ATXN1: variants seen among roughly 807,000 people sequenced by gnomAD.
The protein encoded by ATXN1 is ataxin-1.
ATXN1 carries 8 observed loss-of-function variants against 56.4 expected under a neutral mutation model. The observed-to-expected ratio is 0.14, with a 90% CI of 0.08 to 0.26. The LOEUF is 0.26. ATXN1 is among the 10% of genes least tolerant of loss of function. The pLI, the probability that ATXN1 is intolerant of heterozygous loss-of-function variation, is 1.00. For missense variants in ATXN1, 987 were observed against 1,106.5 expected (o/e 0.89, Z 1.53); for synonymous variants, 514 against 494.6 (o/e 1.04, Z -0.52).
intron 6 of ATXN1, among the ~76,000 whole-genome samples, chr6:16,449,739 A>T (rs1040035856): frequency 5.9e-5 from 9 of 152,234 alleles, no homozygotes; most frequent in African/African-American, 2.2e-4. Flanking sequence ...AGTTTAAAGG[A>T]AAACATATCC....
chr6:16,400,059 A>G (rs183725954), intron 6 of ATXN1, among the ~76,000 whole-genome samples: 1 of 152,278 alleles, frequency 6.6e-6, no homozygotes, highest in Admixed American at 6.5e-5. Flanking sequence ...CCAGACTGAC[A>G]GAACCAGAAT....
chr6:16,518,059 A>C (rs1026209802), intron 5 of ATXN1, among the ~76,000 whole-genome samples: 83 of 152,344 alleles, frequency 5.4e-4, no homozygotes, highest in African/African-American at 1.9e-3. Flanking sequence ...CACTGAGCTA[A>C]TTCTAATAGA....
intron 6 of ATXN1, among the ~76,000 whole-genome samples, chr6:16,429,532 C>T (rs1759235208): frequency 6.6e-6 from 1 of 151,058 alleles, no homozygotes; most frequent in African/African-American, 2.4e-5. Context: ...ATTCTCATGC[C>T]TTAGCCTCCC....
At chr6:16,381,801 C>T (rs555974910) in intron 6 of ATXN1, among the ~76,000 whole-genome samples, 1 of 152,326 alleles carries the variant, frequency 6.6e-6, no homozygotes, top group South Asian at 2.1e-4. Flanking sequence ...CACTATTTCT[C>T]AGGTATCTAC....
intron 4 of ATXN1, among the ~76,000 whole-genome samples, chr6:16,565,541 T>C (rs1762201912): frequency 6.6e-6 from 1 of 152,192 alleles, no homozygotes; most frequent in Non-Finnish European, 1.5e-5. Flanking sequence ...AATGACAATT[T>C]ATTCATTTGC....
intron 1 of ATXN1, among the ~76,000 whole-genome samples, chr6:16,758,306 G>A (rs547632703): frequency 6.6e-6 from 1 of 152,340 alleles, no homozygotes; most frequent in African/African-American, 2.4e-5. Flanking sequence ...GTGACTGACT[G>A]CAAGGCCAAA....
chr6:16,583,309 C>A (rs889528563), intron 4 of ATXN1, among the ~76,000 whole-genome samples: 1 of 152,192 alleles, frequency 6.6e-6, no homozygotes, highest in Non-Finnish European at 1.5e-5. Flanking sequence ...CCGTACACGT[C>A]GTTCTGTGTT....
chr6:16,652,799 C>A (rs1171254860), intron 3 of ATXN1: 1 of 152,222 alleles, frequency 6.6e-6, no homozygotes, highest in Non-Finnish European at 1.5e-5. Flanking sequence ...CTTCAGCAAA[C>A]TGGGCTTTTT....
chr6:16,377,129 A>G (rs1762155838), intron 6 of ATXN1, among the ~76,000 whole-genome samples: 1 of 152,226 alleles, frequency 6.6e-6, no homozygotes, highest in Admixed American at 6.5e-5. Context: ...GGTGTCATCT[A>G]TGAACCAAAA....
rs138412972 is a variant in ATXN1 at position 16,692,799 on chromosome 6, C to T, written c.-614-34898G>A. On this transcript the variant is annotated intron_variant, in intron 2 of 7. Coordinates refer to ENST00000436367, the MANE Select transcript of ATXN1 (RefSeq NM_001128164.2). ...CACTTTAGAGATGTGGAAACTGAAG[C>T]TCAGGCTAAGTAATGGGCCCAAGAT... 2.8e-3 allele frequency among the ~76,000 whole-genome samples: 425 copies of T among 152,282 alleles called. 4 individuals carry two copies. Among genetic ancestry groups the T allele is most frequent in the African/African-American group, 9.6e-3 (398 of 41,544 alleles).
chr6:16,398,660 C>A (rs1240804796), intron 6 of ATXN1, among the ~76,000 whole-genome samples: 2 of 151,892 alleles, frequency 1.3e-5, no homozygotes, highest in Non-Finnish European at 2.9e-5. Context: ...AGTTATACAG[C>A]AAAAAAGAAG....
intron 2 of ATXN1, among the ~76,000 whole-genome samples, chr6:16,686,173 T>C (rs1758913277): frequency 1.3e-5 from 2 of 152,226 alleles, no homozygotes; most frequent in African/African-American, 4.8e-5. Context: ...AATAAGGTTT[T>C]TGGTAATACC....
intron 6 of ATXN1, among the ~76,000 whole-genome samples, chr6:16,331,128 GTAGCTGGGATTATAGGCGGC>G (rs1002198044): frequency 6.6e-6 from 1 of 152,126 alleles, no homozygotes. Flanking sequence ...AGCCTCCTGA[GTAGCTGGGATTATAGGCGGC>G]TGCCGCCATG....
At chr6:16,628,247 G>T (rs919622933) in intron 3 of ATXN1, among the ~76,000 whole-genome samples, 5 of 152,148 alleles carry the variant, frequency 3.3e-5, no homozygotes, top group African/African-American at 1.2e-4. Flanking sequence ...TTTTGGTTTT[G>T]ATTTTTGGTT....
intron 2 of ATXN1, among the ~76,000 whole-genome samples, chr6:16,748,461 G>T (rs949603518): frequency 6.6e-6 from 1 of 152,244 alleles, no homozygotes; most frequent in African/African-American, 2.4e-5. Flanking sequence ...ATCCAAGCAC[G>T]ATTCTATCAC....
Position 16,328,596 on chromosome 6 carries a change from G to A in ATXN1, c.-160-126C>T. 3.0e-6 allele frequency: 1 copy of A among 335,906 alleles called. No individual in the cohort carries two copies. Among genetic ancestry groups the A allele is most frequent in the East Asian group, 5.5e-5 (1 of 18,320 alleles). 20.8% of individuals were successfully genotyped at this position (335,906 alleles called of 1,614,324 possible). On this transcript the variant is annotated intron_variant, in intron 6 of 7. Coordinates refer to ENST00000436367, the MANE Select transcript of ATXN1 (RefSeq NM_001128164.2). The surrounding 1 kb of genome is among the most constrained non-coding windows in gnomAD (Gnocchi z 6.2). ...TTTGGCAAGATTAAGACTAGGCCCT[G>A]GACTCGGTGTGAACTCCCATAACCC...
chr6:16,549,992 C>T (rs1049862495), intron 4 of ATXN1, among the ~76,000 whole-genome samples: 3 of 145,052 alleles, frequency 2.1e-5, no homozygotes, highest in Non-Finnish European at 3.0e-5. Context: ...AGGGGAACAA[C>T]ACACACCGGG....
intron 4 of ATXN1, among the ~76,000 whole-genome samples, chr6:16,533,822 CTT>C (rs1202934493): frequency 1.3e-5 from 2 of 152,124 alleles, no homozygotes; most frequent in African/African-American, 2.4e-5. Context: ...CGGCATAACA[CTT>C]AACACCATAT....
intron 2 of ATXN1, among the ~76,000 whole-genome samples, chr6:16,691,629 T>C (rs1759048772): frequency 6.6e-6 from 1 of 152,084 alleles, no homozygotes; most frequent in Non-Finnish European, 1.5e-5. Flanking sequence ...CAAGAAAACA[T>C]GTTAAAGGGT....
Sources: allele counts gnomAD v4.1 joint callset (sites outside exome capture counted in the v4.1 genomes callset), GRCh38; gene constraint gnomAD v4.1.1; non-coding constraint Gnocchi (gnomAD v3.1); transcripts MANE v1.5; gene names NCBI Gene and HGNC (gene_info 2026-07-23, HGNC 2026-07-21).